Variants in NAALADL2 observed in about 807,000 individuals in gnomAD.
NAALADL2 encodes N-acetylated alpha-linked acidic dipeptidase like 2.
Under a neutral mutation model 87.2 loss-of-function variants are expected in NAALADL2, and 76 were observed. The ratio of observed to expected loss-of-function variants is 0.87; its 90% CI spans 0.72 to 1.05. The LOEUF is 1.05. Ranked by LOEUF, NAALADL2 falls within the 50% of genes least tolerant of loss-of-function variation. NAALADL2 has a pLI of 0.00. For missense variants in NAALADL2, 1,089 were observed against 945.8 expected, an observed-to-expected ratio of 1.15 and a Z score of -1.99; for synonymous variants, 354 against 331.0, an observed-to-expected ratio of 1.07 and a Z score of -0.75.
intron 13 of NAALADL2, among the ~76,000 whole-genome samples, chr3:175,793,307 CTTTTTTT>C (rs66905230): frequency 7.3e-4 from 85 of 116,922 alleles, no homozygotes; most frequent in South Asian, 8.1e-4. Context: ...CATTTTCTTT[CTTTTTTT>C]TTTTTTTTTT....
At chr3:175,714,593 A>G (rs182001021) in intron 11 of NAALADL2, among the ~76,000 whole-genome samples, 13 of 151,950 alleles carry the variant, frequency 8.6e-5, no homozygotes, top group Non-Finnish European at 1.5e-5. Context: ...TTTTTCTTGT[A>G]CATTTGTTTA....
chr3:174,654,058 CTTTGTG>C (rs1724647407), intron 2 of NAALADL2, among the ~76,000 whole-genome samples: 1 of 124,980 alleles, frequency 8.0e-6, no homozygotes, highest in Non-Finnish European at 1.6e-5. Flanking sequence ...AATAAGATGG[CTTTGTG>C]TGTGTGTGTG....
At chr3:174,522,730 C>G (rs940284573) in intron 1 of NAALADL2, among the ~76,000 whole-genome samples, 1 of 151,638 alleles carries the variant, frequency 6.6e-6, no homozygotes, top group Non-Finnish European at 1.5e-5. Flanking sequence ...GTCAGGAGAT[C>G]GAGACCATCC....
chr3:175,485,242 G>A (rs564981880), intron 9 of NAALADL2, among the ~76,000 whole-genome samples: 1 of 152,166 alleles, frequency 6.6e-6, no homozygotes, highest in Non-Finnish European at 1.5e-5. Context: ...GATGGTGTTT[G>A]GAAGTGGGAC....
At chr3:175,121,333 G>A (rs973089818) in intron 2 of NAALADL2, among the ~76,000 whole-genome samples, 3 of 151,772 alleles carry the variant, frequency 2.0e-5, no homozygotes, top group Admixed American at 1.3e-4. Flanking sequence ...AAACATTCAA[G>A]CTTACTTTAC....
chr3:175,793,186 A>G (rs559644881), intron 13 of NAALADL2, among the ~76,000 whole-genome samples: 7 of 152,170 alleles, frequency 4.6e-5, no homozygotes, highest in Non-Finnish European at 8.8e-5. Context: ...CCTAAACAAT[A>G]AAGCACACAG....
chr3:174,570,337 A>C (rs1714782355), intron 2 of NAALADL2, among the ~76,000 whole-genome samples: 1 of 152,042 alleles, frequency 6.6e-6, no homozygotes, highest in Admixed American at 6.6e-5. Context: ...AATGAGTGTT[A>C]TTAACATTTG....
chr3:175,684,781 T>G (rs1736043446), intron 11 of NAALADL2, among the ~76,000 whole-genome samples: 1 of 152,094 alleles, frequency 6.6e-6, no homozygotes, highest in African/African-American at 2.4e-5. Flanking sequence ...CCAGCCTGGG[T>G]GGCAGACATA....
At chr3:175,158,496 T>C (rs1732656324) in intron 2 of NAALADL2, among the ~76,000 whole-genome samples, 1 of 152,094 alleles carries the variant, frequency 6.6e-6, no homozygotes, top group South Asian at 2.1e-4. Flanking sequence ...ATAGAACTTT[T>C]GGATTCCATC....
chr3:175,637,118 A>G (rs1421574792), intron 11 of NAALADL2, among the ~76,000 whole-genome samples: 1 of 152,252 alleles, frequency 6.6e-6, no homozygotes, highest in African/African-American at 2.4e-5. Flanking sequence ...CAATGTAATG[A>G]AATAAGCATA....
chr3:175,235,882 A>T (rs1581048184), intron 3 of NAALADL2: 1 of 152,168 alleles, frequency 6.6e-6, no homozygotes, highest in African/African-American at 2.4e-5. Context: ...GGCCCTCTGT[A>T]ATAACCCGCT....
intron 1 of NAALADL2, among the ~76,000 whole-genome samples, chr3:175,033,531 G>T (rs919250456): frequency 2.3e-4 from 35 of 152,156 alleles, no homozygotes; most frequent in African/African-American, 7.9e-4. Flanking sequence ...AATTCCTTTT[G>T]TCAAGGTTAT....
chr3:175,177,836 A>AGT (rs1246314843), intron 2 of NAALADL2, among the ~76,000 whole-genome samples: 5 of 88,690 alleles, frequency 5.6e-5, no homozygotes, highest in East Asian at 3.9e-4. Context: ...GGTAGGGTAC[A>AGT]GTGTGTGTGT....
chr3:175,496,350 A>C (rs566804777), intron 9 of NAALADL2, among the ~76,000 whole-genome samples: 1 of 152,098 alleles, frequency 6.6e-6, no homozygotes, highest in South Asian at 2.1e-4. Context: ...TATCTTTAAA[A>C]GTTAGACAAT....
At chr3:175,688,358 A>C (rs1169269435) in intron 11 of NAALADL2, among the ~76,000 whole-genome samples, 5 of 152,202 alleles carry the variant, frequency 3.3e-5, no homozygotes, top group African/African-American at 4.8e-5. Flanking sequence ...AGATTATTGA[A>C]TAATATTGTG....
intron 3 of NAALADL2, among the ~76,000 whole-genome samples, chr3:174,770,912 A>C (rs1714469411): frequency 6.6e-6 from 1 of 152,186 alleles, no homozygotes; most frequent in South Asian, 2.1e-4. Context: ...GGTACTTAAA[A>C]TTGTTAACTC....
rs1056943241 is a variant in NAALADL2, at chr3:175,627,292, G to T, written c.1802G>T (p.Gly601Val). ...FAYEDIKTLE[G>V]PSFLSEARFS... ...TGTTTCTTTTTTGATTTGCCGCAGG[G>T]TCCAAGTTTTCTCTCCGAGGCCCGT... The change falls in exon 11 of 14, where the codon GGT (glycine) becomes GTT (valine). Residue 601 changes from glycine (G) to valine (V), a missense_variant and splice_region_variant. Gly to Val is a moderately radical substitution (Grantham distance 109, BLOSUM62 -3). Coordinates refer to ENST00000454872, the MANE Select transcript of NAALADL2 (RefSeq NM_207015.3). The T allele has an allele frequency of 6.4e-7, 1 of 1,560,272 alleles. No homozygotes were observed. The highest frequency in any genetic ancestry group is 1.9e-5 in the Admixed American group (1 of 52,858).
intron 3 of NAALADL2, among the ~76,000 whole-genome samples, chr3:174,827,075 TC>T (rs1560263325): frequency 6.6e-6 from 1 of 152,228 alleles, no homozygotes. Flanking sequence ...CTTCTTGAGT[TC>T]AATCTTCTCT....
At chr3:175,746,365 G>GTT (rs59371769) in intron 12 of NAALADL2, among the ~76,000 whole-genome samples, 1 of 138,670 alleles carries the variant, frequency 7.2e-6, no homozygotes, top group East Asian at 2.2e-4. Context: ...TATGTAATAT[G>GTT]TTTTTTTTTT....
Sources: gnomAD v4.1 joint callset for allele counts (sites outside exome capture counted in the v4.1 genomes callset) on GRCh38, gnomAD v4.1.1 for gene constraint, MANE v1.5 for transcripts, NCBI Gene and HGNC (gene_info 2026-07-23, HGNC 2026-07-21) for gene names.